SEMA7A: variants seen among roughly 807,000 people sequenced by gnomAD.
The protein encoded by SEMA7A is semaphorin-7A.
Under a neutral mutation model 67.5 loss-of-function variants are expected in SEMA7A, and 21 were observed. The observed-to-expected ratio is 0.31, with a 90% confidence interval of 0.22 to 0.45. SEMA7A has a LOEUF of 0.45. SEMA7A is among the 20% of genes least tolerant of loss of function. The probability of loss-of-function intolerance (pLI) is 1.00; values close to 1 mark genes in which losing one functional copy is unlikely to be tolerated. For synonymous variants in SEMA7A, 364 were observed against 368.5 expected (o/e 0.99, Z 0.14); for missense variants, 774 against 908.6 (o/e 0.85, Z 1.90).
Position 74,410,467 on chromosome 15 carries a change from C to T in SEMA7A, c.*157G>A, listed in dbSNP as rs144289778. Reference sequence around the variant, plus strand: ...CCACCTGGGGCCCAGCAGCCGCCTGCGGCTGGACGTCTCCAGGCCTGGCAT... The same window carrying T: ...CCACCTGGGGCCCAGCAGCCGCCTGTGGCTGGACGTCTCCAGGCCTGGCAT... On this transcript the variant is annotated 3_prime_UTR_variant, in exon 14 of 14. Coordinates refer to ENST00000261918, the MANE Select transcript of SEMA7A (RefSeq NM_003612.5). The surrounding 1 kb of genome is among the most constrained non-coding windows in gnomAD (Gnocchi z 7.5). 498 of 1,142,466 alleles carry T rather than the reference C, an allele frequency of 4.4e-4. 5 individuals carry two copies. The East Asian group carries it at 8.9e-3, about 20-fold the overall frequency. The allele number at this position is 1,142,466 out of a possible 1,614,324, so 70.8% of individuals were successfully genotyped here. A position where few individuals can be genotyped will look rare whatever the true frequency, so the allele number is the denominator to read the frequency against.
chr15:74,411,418 C>T lies in SEMA7A; in HGVS notation c.1578-62G>A. The T allele has an allele frequency of 6.3e-7, 1 of 1,591,594 alleles. No individual in the cohort carries two copies. The highest frequency in any genetic ancestry group is 8.6e-7 in the Non-Finnish European group (1 of 1,166,636). On this transcript the variant is annotated intron_variant, in intron 12 of 13. Transcript: ENST00000261918. This position sits in a 1 kb window ranked among gnomAD's most constrained non-coding sequence, Gnocchi z 4.4. ...AAGGCTGCAGACCTGACCCTCCTAT[C>T]CTTACCCCAGTGCAGTTCCAGCAGA...
chr15:74,411,180 C>G lies in SEMA7A; in HGVS notation c.1639+115G>C. The G allele has an allele frequency of 7.4e-7, 1 of 1,343,534 alleles. No homozygotes were observed. Among genetic ancestry groups the G allele is most frequent in the Non-Finnish European group, 1.0e-6 (1 of 979,048 alleles). The allele number at this position is 1,343,534 out of a possible 1,614,324, so 83.2% of individuals were successfully genotyped here. A position where few individuals can be genotyped will look rare whatever the true frequency, so the allele number is the denominator to read the frequency against. On this transcript the variant is annotated intron_variant, in intron 13 of 13. Transcript: ENST00000261918. This position sits in a 1 kb window ranked among gnomAD's most constrained non-coding sequence, Gnocchi z 4.4. ...CTCCCTCTGCAGGACTGTATCCTGC[C>G]CCATGTACCTGGGGCCCACAGGACA...
chr15:74,418,074 T>C lies in SEMA7A; in HGVS notation c.373-105A>G, dbSNP rs564371788. The C allele has an allele frequency of 8.5e-5, 116 of 1,360,070 alleles. No homozygotes were observed. In the African/African-American group the frequency reaches 1.5e-3, roughly 18 times the overall value. 84.3% of individuals were successfully genotyped at this position (1,360,070 alleles called of 1,614,324 possible). A position where few individuals can be genotyped will look rare whatever the true frequency, so the allele number is the denominator to read the frequency against. ...TCAGGGAAGAAGGTGTCAGAAGGGC[T>C]TAGCATAGGTGACAGCCTCCCGGGA... On this transcript the variant is annotated intron_variant, in intron 3 of 13. Coordinates refer to ENST00000261918, the MANE Select transcript of SEMA7A (RefSeq NM_003612.5).
At chr15:74,418,115 G>A (rs1596192483) in intron 3 of SEMA7A, 146 bp from the exon 4 acceptor site, 1 of 1,137,410 alleles carries the variant, frequency 8.8e-7, no homozygotes, top group Non-Finnish European at 1.3e-6. Context: ...CAGAGTGTGT[G>A]CAGCTGACGC....
chr15:74,414,699 G>A lies in SEMA7A; in HGVS notation c.1142C>T (p.Ala381Val). 1 of 1,614,158 alleles carries A rather than the reference G, an allele frequency of 6.2e-7. No homozygotes were observed. The change falls in exon 10 of 14, where the codon GCT becomes GTT. Residue 381 changes from alanine to valine, a missense_variant. Ala to Val is a moderately conservative substitution (Grantham distance 64). Transcript: ENST00000261918. This position sits in a 1 kb window ranked among gnomAD's most constrained non-coding sequence, Gnocchi z 4.1. ...QPIPTETFQV[A>V]DRHPEVAQRV... is the part of the protein sequence containing the mutation. ...CTGCGCCACCTCTGGGTGACGGTCA[G>A]CCACCTGGAAGGTCTCTGTGGGTAT...
In SEMA7A at chr15:74,420,577, G is replaced by C. The variant is rs75605335; in HGVS notation, c.179-1625C>G. On this transcript the variant is annotated intron_variant, in intron 1 of 13. Coordinates refer to ENST00000261918, the MANE Select transcript of SEMA7A (RefSeq NM_003612.5). ...CCTCCCTGTAGGCCCGAGATGTGCA[G>C]AGCAAGGGCTGAGAGGTACTGGCAC... Among the ~76,000 whole-genome samples, 895 of 152,322 alleles carry C rather than the reference G, an allele frequency of 5.9e-3. 3 individuals carry two copies. The highest frequency in any genetic ancestry group is 0.01 in the Non-Finnish European group (707 of 68,040).
chr15:74,426,089 A>G (rs1226964092), intron 1 of SEMA7A, among the ~76,000 whole-genome samples: 2 of 152,148 alleles, frequency 1.3e-5, no homozygotes, highest in African/African-American at 4.8e-5. Flanking sequence ...CCTGGCCAAC[A>G]TGGTGAAACC....
chr15:74,411,072 G>A lies in SEMA7A; in HGVS notation c.1640-87C>T, dbSNP rs1219137284. On this transcript the variant is annotated intron_variant, in intron 13 of 13. Coordinates refer to ENST00000261918, the MANE Select transcript of SEMA7A (RefSeq NM_003612.5). The surrounding 1 kb of genome is among the most constrained non-coding windows in gnomAD (Gnocchi z 4.4). ...TCCTCCCCACGGACTGGGATCCCAG[G>A]ACAAGGCTTCTGAATGAACGTGGGG... 2 of 1,522,746 alleles carry A rather than the reference G, an allele frequency of 1.3e-6. No homozygotes were observed. The highest frequency in any genetic ancestry group is 1.8e-6 in the Non-Finnish European group (2 of 1,137,204). The allele number at this position is 1,522,746 out of a possible 1,614,324, so 94.3% of individuals were successfully genotyped here.
At position 74,433,508 on chromosome 15, in the gene SEMA7A, G is replaced by C. The variant is rs1030944187; in HGVS notation, c.178+233C>G. ...GCCAGGGACTTGGTGCGACTTAGCCGGGGCTCCGGCCCCCGCCGCTCGCTC... is the reference window on the plus strand; with the variant it reads ...GCCAGGGACTTGGTGCGACTTAGCCCGGGCTCCGGCCCCCGCCGCTCGCTC... On this transcript the variant is annotated intron_variant, in intron 1 of 13. Transcript: ENST00000261918. The C allele has an allele frequency of 1.2e-5, 14 of 1,166,890 alleles. No homozygotes were observed. The South Asian group carries it at 4.3e-4, about 36-fold the overall frequency. The allele number at this position is 1,166,890 out of a possible 1,614,324, so 72.3% of individuals were successfully genotyped here.
At position 74,411,079 on chromosome 15, in the gene SEMA7A, C is replaced by G; in HGVS notation, c.1640-94G>C. 4 of 1,515,430 alleles carry G rather than the reference C, an allele frequency of 2.6e-6. No individual in the cohort carries two copies. Among genetic ancestry groups the G allele is most frequent in the Non-Finnish European group, 3.5e-6 (4 of 1,132,766 alleles). 93.9% of individuals were successfully genotyped at this position (1,515,430 alleles called of 1,614,324 possible). ...CACGGACTGGGATCCCAGGACAAGGCTTCTGAATGAACGTGGGGAACCCAG... is the reference window on the plus strand; with the variant it reads ...CACGGACTGGGATCCCAGGACAAGGGTTCTGAATGAACGTGGGGAACCCAG... On this transcript the variant is annotated intron_variant, in intron 13 of 13. Transcript: ENST00000261918. This position sits in a 1 kb window ranked among gnomAD's most constrained non-coding sequence, Gnocchi z 4.4.
intron 1 of SEMA7A, among the ~76,000 whole-genome samples, chr15:74,426,160 A>G: frequency 6.6e-6 from 1 of 152,184 alleles, no homozygotes; most frequent in Admixed American, 6.5e-5. Flanking sequence ...CTGTACTCCC[A>G]GCTACTTGGG....
intron 1 of SEMA7A, among the ~76,000 whole-genome samples, chr15:74,424,318 T>C (rs1009064377): frequency 6.6e-6 from 1 of 152,044 alleles, no homozygotes; most frequent in Admixed American, 6.5e-5. Context: ...CCCACCAGGA[T>C]TCTTGAAACA....
At position 74,411,741 on chromosome 15, in the gene SEMA7A, G is replaced by T; in HGVS notation, c.1423-31C>A. The T allele has an allele frequency of 6.2e-7, 1 of 1,609,580 alleles. No homozygotes were observed. On this transcript the variant is annotated intron_variant, in intron 11 of 13. Transcript: ENST00000261918. The surrounding 1 kb of genome is among the most constrained non-coding windows in gnomAD (Gnocchi z 4.4). ...AGGACAGCAGGATTGGGTCAGGCCC[G>T]GGCCCCACCCCACACTCAGTCCTAA...
At chr15:74,419,089 G>T in intron 1 of SEMA7A, 137 bp from the exon 2 acceptor site, 2 of 989,412 alleles carry the variant, frequency 2.0e-6, no homozygotes, top group Non-Finnish European at 2.9e-6. Flanking sequence ...CTCTGGGCTG[G>T]GGTGGTACCC....
In SEMA7A at chr15:74,415,906, G is replaced by A. The variant is rs1163590933; in HGVS notation, c.881C>T (p.Ala294Val). The A allele has an allele frequency of 6.2e-7, 1 of 1,614,168 alleles. No individual in the cohort carries two copies. ...FLKAMLVCSD[A>V]ATNKNFNRLQ... ...CCTGTTGAAGTTCTTGTTGGTGGCA[G>A]CATCACTGCATACCAGCATGGCTTT... The change falls in exon 8 of 14, where the codon GCT becomes GTT. Residue 294 changes from alanine (A) to valine (V), a missense_variant. This residue lies in a region of SEMA7A where 427 missense variants were observed against 555.4 expected (regional missense o/e 0.77). Coordinates refer to ENST00000261918, the MANE Select transcript of SEMA7A (RefSeq NM_003612.5).
chr15:74,422,044 T>C (rs1433745859), intron 1 of SEMA7A, among the ~76,000 whole-genome samples: 1 of 152,032 alleles, frequency 6.6e-6, no homozygotes, highest in African/African-American at 2.4e-5. Flanking sequence ...GGAAGGTGGC[T>C]GTATGGAGGA....
At chr15:74,420,566 C>T (rs923001059) in intron 1 of SEMA7A, among the ~76,000 whole-genome samples, 4 of 152,172 alleles carry the variant, frequency 2.6e-5, no homozygotes, top group Admixed American at 6.5e-5. Context: ...CCTGTAGGCC[C>T]GAGATGTGCA....
intron 10 of SEMA7A, among the ~76,000 whole-genome samples, chr15:74,412,805 T>C (rs1246706069): frequency 2.6e-5 from 4 of 151,938 alleles, no homozygotes; most frequent in Non-Finnish European, 5.9e-5. Context: ...GGACTCCACG[T>C]TGCATTTGAT....
Position 74,417,425 on chromosome 15 carries a change from T to C in SEMA7A, c.571A>G (p.Ile191Val). 6.2e-7 allele frequency: 1 copy of C among 1,613,910 alleles called. No homozygotes were observed. The highest frequency in any genetic ancestry group is 8.5e-7 in the Non-Finnish European group (1 of 1,179,942). Residue 191 changes from isoleucine to valine, a missense_variant, in exon 6 of 14, where the codon ATC becomes GTC. By Grantham distance (29) the Ile-to-Val change is conservative. Coordinates refer to ENST00000261918, the MANE Select transcript of SEMA7A (RefSeq NM_003612.5). Reference sequence around the variant, plus strand: ...TTCCCATTGTATTCCTGCTTCCGGATGGTGGAATACACCTCGTCCCCTGGG... The same window carrying C: ...TTCCCATTGTATTCCTGCTTCCGGACGGTGGAATACACCTCGTCCCCTGGG... ...LFEGDEVYST[I>V]RKQEYNGKIP... is the part of the protein sequence containing the mutation.
Sources: gnomAD v4.1 joint callset for allele counts (sites outside exome capture counted in the v4.1 genomes callset) on GRCh38, gnomAD v4.1.1 for gene constraint, gnomAD v4.1.1 regional missense constraint, Gnocchi (gnomAD v3.1) non-coding constraint, MANE v1.5 for transcripts, NCBI Gene and HGNC (gene_info 2026-07-23, HGNC 2026-07-21) for gene names.